Variants in CPO observed in about 807,000 individuals in gnomAD.
CPO encodes carboxypeptidase O.
Under a neutral mutation model 41.2 loss-of-function variants are expected in CPO, and 43 were observed. The observed-to-expected ratio is 1.04, with a 90% CI of 0.82 to 1.35. The LOEUF (loss-of-function observed/expected upper bound fraction) is 1.35, where lower values mean the gene tolerates loss of function less well. CPO is among the 40% of genes most tolerant of loss of function. The probability of loss-of-function intolerance (pLI) is 0.00; values close to 1 mark genes in which losing one functional copy is unlikely to be tolerated. For synonymous variants in CPO, 178 were observed against 162.7 expected, an observed-to-expected ratio of 1.09 and a Z score of -0.72; for missense variants, 408 against 451.7, an observed-to-expected ratio of 0.90 and a Z score of 0.88.
At chr2:206,949,073 CAAAA>C (rs11284442) in intron 1 of CPO, among the ~76,000 whole-genome samples, 2 of 99,144 alleles carry the variant, frequency 2.0e-5, no homozygotes, top group Non-Finnish European at 5.0e-5. Flanking sequence ...TAAACCATTG[CAAAA>C]AAAAAAAAAA....
At chr2:206,967,700 G>A (rs909023226) in intron 7 of CPO, among the ~76,000 whole-genome samples, 5 of 152,176 alleles carry the variant, frequency 3.3e-5, no homozygotes, top group Non-Finnish European at 7.4e-5. Context: ...AAAATATGGT[G>A]TTGGGAAGGT....
intron 1 of CPO, among the ~76,000 whole-genome samples, chr2:206,945,467 C>A (rs1271721977): frequency 3.3e-5 from 5 of 152,148 alleles, no homozygotes; most frequent in African/African-American, 4.8e-5. Flanking sequence ...AACTAGGAAA[C>A]TAAGTCATTC....
At chr2:206,967,323 C>G (rs1693591951) in intron 7 of CPO, among the ~76,000 whole-genome samples, 1 of 143,202 alleles carries the variant, frequency 7.0e-6, no homozygotes, top group Non-Finnish European at 1.5e-5. Context: ...ACTTCCAGCT[C>G]TGAAATGCTA....
rs1693498203 is a variant in CPO, at chr2:206,962,476, A to G, written c.639A>G (p.Pro213=). ...TFCGTGPVSE[P]ETKAVASFIE... ...GTGGGACAGGGCCAGTGTCTGAACC[A>G]GAGACTAAAGCTGTTGCCAGCTTCA... Residue 213 remains proline (P), a synonymous_variant, in exon 7 of 9, where the codon CCA becomes CCG. Transcript: ENST00000272852. 1 of 1,614,084 alleles carries G rather than the reference A, an allele frequency of 6.2e-7. No homozygotes were observed. The highest frequency in any genetic ancestry group is 1.3e-5 in the African/African-American group (1 of 74,948).
chr2:206,951,861 C>T (rs1170535575), intron 2 of CPO, among the ~76,000 whole-genome samples: 3 of 152,190 alleles, frequency 2.0e-5, no homozygotes, highest in Non-Finnish European at 4.4e-5. Context: ...ATATTTGTTG[C>T]TGCTACTGGC....
In CPO at chr2:206,969,394, T is replaced by A; in HGVS notation, c.1083T>A (p.Thr361=). 6.2e-7 allele frequency: 1 copy of A among 1,614,004 alleles called. No individual in the cohort carries two copies. The highest frequency in any genetic ancestry group is 2.2e-5 in the East Asian group (1 of 44,858). The change falls in exon 9 of 9, where the codon ACT becomes ACA. Residue 361 remains threonine (T), a synonymous_variant. Coordinates refer to ENST00000272852, the MANE Select transcript of CPO (RefSeq NM_173077.3). ...SDSAGRVTSA[T]MLLGLLVSCM... is the part of the protein sequence containing the mutation. Reference sequence around the variant, plus strand: ...GTGCTGGAAGGGTGACATCTGCCACTATGCTGCTGGGCCTGCTGGTGTCCT... The same window carrying A: ...GTGCTGGAAGGGTGACATCTGCCACAATGCTGCTGGGCCTGCTGGTGTCCT...
At chr2:206,949,401 T>C (rs1399230945) in intron 1 of CPO, among the ~76,000 whole-genome samples, 1 of 152,230 alleles carries the variant, frequency 6.6e-6, no homozygotes, top group Admixed American at 6.5e-5. Context: ...GGAATAATTG[T>C]TCTCACTCTA....
intron 1 of CPO, among the ~76,000 whole-genome samples, chr2:206,941,493 T>A (rs2105816975): frequency 6.6e-6 from 1 of 152,196 alleles, no homozygotes; most frequent in East Asian, 1.9e-4. Context: ...TATCGTACAA[T>A]GAACATGACA....
intron 3 of CPO, among the ~76,000 whole-genome samples, chr2:206,956,528 A>G (rs1465364367): frequency 6.6e-6 from 1 of 152,162 alleles, no homozygotes; most frequent in Non-Finnish European, 1.5e-5. Flanking sequence ...CCAACAGTCT[A>G]TTTTAACAAG....
chr2:206,960,766 T>C, intron 5 of CPO, 86 bp from the exon 6 acceptor site: 4 of 940,500 alleles, frequency 4.3e-6, no homozygotes, highest in East Asian at 2.4e-5. Flanking sequence ...GGAAACATTT[T>C]TCATGTTCAA....
At chr2:206,949,210 A>G (rs755976097) in intron 1 of CPO, among the ~76,000 whole-genome samples, 13 of 152,196 alleles carry the variant, frequency 8.5e-5, no homozygotes, top group Non-Finnish European at 1.6e-4. Flanking sequence ...TCTGAAATGG[A>G]GATAATAAGA....
At chr2:206,956,924 G>T (rs528355959) in intron 3 of CPO, among the ~76,000 whole-genome samples, 2 of 152,284 alleles carry the variant, frequency 1.3e-5, no homozygotes, top group Admixed American at 6.5e-5. Context: ...ATTTTCCATA[G>T]GCAATCCAAG....
chr2:206,959,807 C>A, intron 5 of CPO, 66 bp downstream of exon 5: 2 of 724,262 alleles, frequency 2.8e-6, no homozygotes, highest in Admixed American at 2.2e-5. Flanking sequence ...GTTAATTTTT[C>A]CAATGTTATC....
At chr2:206,969,012 G>C (rs989435645) in intron 8 of CPO, among the ~76,000 whole-genome samples, 162 bp from the exon 9 acceptor site, 1 of 152,142 alleles carries the variant, frequency 6.6e-6, no homozygotes, top group South Asian at 2.1e-4. Flanking sequence ...CACCCTGCAG[G>C]GGCTTACAAC....
At chr2:206,947,054 T>C (rs1341308111) in intron 1 of CPO, among the ~76,000 whole-genome samples, 2 of 152,170 alleles carry the variant, frequency 1.3e-5, no homozygotes, top group African/African-American at 4.8e-5. Context: ...AGTTACTTTG[T>C]GGTTATTGAC....
chr2:206,963,934 T>C (rs1446246029), intron 7 of CPO, among the ~76,000 whole-genome samples: 1 of 152,246 alleles, frequency 6.6e-6, no homozygotes, highest in African/African-American at 2.4e-5. Context: ...TAATAGAGGC[T>C]GCTCCATTTG....
chr2:206,955,466 T>C lies in CPO; in HGVS notation c.169T>C (p.Tyr57His). 1 of 1,598,804 alleles carries C rather than the reference T, an allele frequency of 6.3e-7. No individual in the cohort carries two copies. Among genetic ancestry groups the C allele is most frequent in the Non-Finnish European group, 8.6e-7 (1 of 1,165,958 alleles). ...YNIYHPMGEI[Y>H]EWMREISEKY... ...CAGTCCTCCCTTGCTGTTTCAGATCTATGAGTGGATGAGAGAGATCAGTGA... is the reference window on the plus strand; with the variant it reads ...CAGTCCTCCCTTGCTGTTTCAGATCCATGAGTGGATGAGAGAGATCAGTGA... The change falls in exon 3 of 9, where the codon TAT (tyrosine) becomes CAT (histidine). Residue 57 changes from tyrosine (Y) to histidine (H), a missense_variant. Coordinates refer to ENST00000272852, the MANE Select transcript of CPO (RefSeq NM_173077.3).
intron 1 of CPO, among the ~76,000 whole-genome samples, chr2:206,941,634 G>T (rs1294981140): frequency 1.3e-5 from 2 of 152,018 alleles, no homozygotes; most frequent in Non-Finnish European, 2.9e-5. Flanking sequence ...GACCGTGCTT[G>T]TCTTTATTGG....
At chr2:206,951,367 G>A (rs1693260335) in intron 2 of CPO, among the ~76,000 whole-genome samples, 1 of 152,200 alleles carries the variant, frequency 6.6e-6, no homozygotes, top group Non-Finnish European at 1.5e-5. Context: ...GTACGTGTGT[G>A]TATGTATGTG....
Sources: gnomAD v4.1 joint callset for allele counts (sites outside exome capture counted in the v4.1 genomes callset) on GRCh38, gnomAD v4.1.1 for gene constraint, MANE v1.5 for transcripts, NCBI Gene and HGNC (gene_info 2026-07-23, HGNC 2026-07-21) for gene names.